VPS13D: variants seen among roughly 807,000 people sequenced by gnomAD.
The protein encoded by VPS13D is vacuolar protein sorting 13 homolog D.
In VPS13D, 187 loss-of-function variants were observed where a neutral mutation model predicts 461.9. That is an observed-to-expected ratio of 0.40 (90% CI 0.36 to 0.46). VPS13D has a LOEUF of 0.46. Ranked by LOEUF, VPS13D falls within the 20% of genes least tolerant of loss-of-function variation. The probability of loss-of-function intolerance (pLI) is 0.60; values close to 1 mark genes in which losing one functional copy is unlikely to be tolerated. For missense variants in VPS13D, 4,711 were observed against 5,364.9 expected (o/e 0.88, Z 3.81); for synonymous variants, 1,951 against 1,986.3 (o/e 0.98, Z 0.47).
intron 65 of VPS13D, among the ~76,000 whole-genome samples, chr1:12,455,553 T>A (rs1196220482): frequency 1.3e-5 from 2 of 151,890 alleles, no homozygotes; most frequent in Non-Finnish European, 2.9e-5. Context: ...ATGTGTCCAG[T>A]CCTTTTGAGA....
intron 29 of VPS13D, among the ~76,000 whole-genome samples, chr1:12,313,648 T>C (rs945464276): frequency 6.6e-6 from 1 of 152,224 alleles, no homozygotes; most frequent in Admixed American, 6.5e-5. Context: ...TTATTCTCCA[T>C]GTGAAGAGTA....
intron 17 of VPS13D, among the ~76,000 whole-genome samples, chr1:12,272,507 C>T (rs954150578): frequency 6.6e-6 from 1 of 151,568 alleles, no homozygotes. Context: ...TAGCTTTTGC[C>T]ACATACATAC....
chr1:12,271,691 C>T (rs1641446247), intron 17 of VPS13D, among the ~76,000 whole-genome samples: 2 of 151,354 alleles, frequency 1.3e-5, no homozygotes, highest in African/African-American at 2.4e-5. Flanking sequence ...AAAAAAAAGA[C>T]TCGTGTTTGT....
At chr1:12,341,980 C>G in intron 41 of VPS13D, 95 bp downstream of exon 41, 1 of 1,065,968 alleles carries the variant, frequency 9.4e-7, no homozygotes, top group Admixed American at 2.2e-5. Context: ...TCTTGAGGCT[C>G]TTGGGATGAT....
intron 67 of VPS13D, among the ~76,000 whole-genome samples, chr1:12,493,310 G>A (rs974195098): frequency 3.3e-5 from 5 of 151,608 alleles, no homozygotes; most frequent in East Asian, 1.9e-4. Flanking sequence ...GTGAAACCCC[G>A]TCTCTAATAA....
intron 49 of VPS13D, among the ~76,000 whole-genome samples, chr1:12,357,690 C>T (rs1204426946): frequency 6.6e-6 from 1 of 152,168 alleles, no homozygotes; most frequent in Non-Finnish European, 1.5e-5. Flanking sequence ...GACACTGGCC[C>T]ACTAAACAGT....
chr1:12,338,443 T>C, intron 40 of VPS13D, 138 bp downstream of exon 40: 3 of 702,744 alleles, frequency 4.3e-6, no homozygotes, highest in Non-Finnish European at 7.4e-6. Flanking sequence ...GGAAAGAACA[T>C]TTCCAACTGA....
intron 68 of VPS13D, among the ~76,000 whole-genome samples, chr1:12,501,720 A>C (rs1435333923): frequency 6.6e-6 from 1 of 152,258 alleles, no homozygotes; most frequent in Non-Finnish European, 1.5e-5. Flanking sequence ...GGAAGCAGAC[A>C]CTGTATTACC....
intron 46 of VPS13D, among the ~76,000 whole-genome samples, chr1:12,353,079 T>G (rs1643836515): frequency 6.6e-6 from 1 of 151,114 alleles, no homozygotes; most frequent in East Asian, 1.9e-4. Context: ...AGAATGTTCA[T>G]TTAACCCTAA....
intron 67 of VPS13D, among the ~76,000 whole-genome samples, chr1:12,461,554 T>C (rs981783204): frequency 7.9e-5 from 12 of 152,164 alleles, no homozygotes; most frequent in Admixed American, 7.2e-4. Flanking sequence ...ATTTATGAAG[T>C]TGTGGGGAGG....
At position 12,385,247 on chromosome 1, in the gene VPS13D, T is replaced by C. The variant is rs1220237102; in HGVS notation, c.11371-13T>C. The stretch of plus-strand genomic sequence containing the variant: ...AGTGAATCATCTTCTTGTGGTGTTT[T>C]ATTTGACTTCAGATAACAGATTTCT... On this transcript the variant is annotated splice_polypyrimidine_tract_variant and intron_variant, in intron 58 of 69. Transcript: ENST00000620676. 1 of 1,608,360 alleles carries C rather than the reference T, an allele frequency of 6.2e-7. No homozygotes were observed. Among genetic ancestry groups the C allele is most frequent in the Non-Finnish European group, 8.5e-7 (1 of 1,175,260 alleles).
At chr1:12,256,966 C>T in intron 8 of VPS13D, 21 bp from the exon 9 acceptor site, 1 of 1,612,844 alleles carries the variant, frequency 6.2e-7, no homozygotes. Context: ...AACCTAGTAT[C>T]TCTTAACCTC....
In VPS13D at chr1:12,456,033, G is replaced by A. The variant is rs1411757574; in HGVS notation, c.12369G>A (p.Thr4123=). The A allele has an allele frequency of 7.4e-6, 12 of 1,613,300 alleles. No individual in the cohort carries two copies. The highest frequency in any genetic ancestry group is 1.6e-4 in the Middle Eastern group (1 of 6,078). ...AGTLSDGLGK[T]MDNRHQSERE... is the part of the protein sequence containing the mutation. The stretch of plus-strand genomic sequence containing the variant: ...CATTATCAGATGGCTTAGGGAAGAC[G>A]ATGGACAATCGGCATCAGTCAGAGC... Residue 4123 remains threonine, a synonymous_variant, in exon 66 of 70, where the codon ACG becomes ACA. Transcript: ENST00000620676.
At chr1:12,237,031 T>C (rs1640170688) in intron 2 of VPS13D, among the ~76,000 whole-genome samples, 1 of 152,064 alleles carries the variant, frequency 6.6e-6, no homozygotes, top group Non-Finnish European at 1.5e-5. Context: ...GATTGGCTGA[T>C]GGAGTGGACT....
chr1:12,311,735 AT>A (rs1395678514), intron 28 of VPS13D, 77 bp from the exon 29 acceptor site: 1 of 1,582,588 alleles, frequency 6.3e-7, no homozygotes, highest in African/African-American at 1.4e-5. Flanking sequence ...CAACAAGCAA[AT>A]TAGATTTCTT....
At chr1:12,428,719 C>T (rs1245206055) in intron 65 of VPS13D, among the ~76,000 whole-genome samples, 1 of 152,176 alleles carries the variant, frequency 6.6e-6, no homozygotes, top group Non-Finnish European at 1.5e-5. Flanking sequence ...ACAGCAGGCA[C>T]CAGATTTTAC....
intron 60 of VPS13D, among the ~76,000 whole-genome samples, chr1:12,396,805 A>G (rs1644505068): frequency 6.6e-6 from 1 of 152,226 alleles, no homozygotes; most frequent in African/African-American, 2.4e-5. Flanking sequence ...ACAGATAGAA[A>G]GTTAATATCT....
chr1:12,267,410 T>C (rs1313072103), intron 14 of VPS13D, among the ~76,000 whole-genome samples: 1 of 152,148 alleles, frequency 6.6e-6, no homozygotes, highest in East Asian at 1.9e-4. Context: ...TATATGTAAT[T>C]TTTAAAATAT....
At chr1:12,470,872 C>G (rs74614445) in intron 67 of VPS13D, among the ~76,000 whole-genome samples, 1,549 of 152,164 alleles carry the variant, frequency 0.01, 19 homozygotes, top group African/African-American at 0.035. Flanking sequence ...TTACCGGGTC[C>G]GTTACAGCTC....
Sources: allele counts gnomAD v4.1 joint callset (sites outside exome capture counted in the v4.1 genomes callset), GRCh38; gene constraint gnomAD v4.1.1; transcripts MANE v1.5; gene names NCBI Gene and HGNC (gene_info 2026-07-23, HGNC 2026-07-21).